RALGPS1: variants seen among roughly 807,000 people sequenced by gnomAD.
RALGPS1 encodes Ral GEF with PH domain and SH3 binding motif 1.
In RALGPS1, 19 loss-of-function variants were observed where a neutral mutation model predicts 78.8. The ratio of observed to expected loss-of-function variants is 0.24; its 90% CI spans 0.17 to 0.35. RALGPS1 has a LOEUF of 0.35. Ranked by LOEUF, RALGPS1 falls within the 10% of genes least tolerant of loss-of-function variation. RALGPS1 has a pLI of 1.00. For missense variants in RALGPS1, 454 were observed against 688.3 expected (o/e 0.66, Z 3.81); for synonymous variants, 228 against 256.3 (o/e 0.89, Z 1.06).
chr9:126,952,648 A>AGTGTGTGTGTGTGTGTGT (rs1370007469), intron 1 of RALGPS1, among the ~76,000 whole-genome samples: 3 of 75,524 alleles, frequency 4.0e-5, no homozygotes, highest in East Asian at 1.0e-3. Context: ...AGAGAGAGAG[A>AGTGTGTGTGTGTGTGTGT]GAGAGAGAGT....
chr9:127,012,882 C>G (rs1039637052), intron 4 of RALGPS1, among the ~76,000 whole-genome samples: 1 of 152,128 alleles, frequency 6.6e-6, no homozygotes, highest in South Asian at 2.1e-4. Flanking sequence ...TGTAAGACCC[C>G]CTGCCTGGTA....
intron 4 of RALGPS1, among the ~76,000 whole-genome samples, chr9:126,997,615 A>G (rs1252481761): frequency 3.9e-5 from 6 of 152,240 alleles, no homozygotes; most frequent in Admixed American, 6.5e-5. Flanking sequence ...TATAGATTCA[A>G]TGCCATCCCC....
chr9:126,979,968 T>C (rs1208404042), intron 4 of RALGPS1, among the ~76,000 whole-genome samples: 2 of 152,168 alleles, frequency 1.3e-5, no homozygotes, highest in African/African-American at 4.8e-5. Context: ...TTGTAAAAGT[T>C]TCCCAGGTAA....
In RALGPS1 at chr9:127,183,539, G is replaced by A. The variant is rs1057291939; in HGVS notation, c.910+8757G>A. On this transcript the variant is annotated intron_variant, in intron 11 of 18. Transcript: ENST00000259351. This position sits in a 1 kb window ranked among gnomAD's most constrained non-coding sequence, Gnocchi z 4.0. Reference sequence around the variant, plus strand: ...CACAACAGACCTGCCTGTGGCCACCGCTGTCTTCTGGCACAGCCGTTTGGC... The same window carrying A: ...CACAACAGACCTGCCTGTGGCCACCACTGTCTTCTGGCACAGCCGTTTGGC... 1.3e-5 allele frequency among the ~76,000 whole-genome samples: 2 copies of A among 152,120 alleles called. No homozygotes were observed. The highest frequency in any genetic ancestry group is 2.9e-5 in the Non-Finnish European group (2 of 68,026).
chr9:127,107,961 A>C (rs780531484), intron 8 of RALGPS1: 2 of 1,560,098 alleles, frequency 1.3e-6, no homozygotes, highest in Non-Finnish European at 1.7e-6. Context: ...GAGTGGGCAT[A>C]GTGGGCAGAG....
At chr9:127,082,969 TGTTA>T (rs1359153189) in intron 8 of RALGPS1, among the ~76,000 whole-genome samples, 5 of 152,056 alleles carry the variant, frequency 3.3e-5, no homozygotes, top group African/African-American at 7.2e-5. Context: ...CCAGGTGTCA[TGTTA>T]GTTAGCCACC....
At chr9:127,139,150 C>T (rs1392591614) in intron 8 of RALGPS1, among the ~76,000 whole-genome samples, 1 of 152,174 alleles carries the variant, frequency 6.6e-6, no homozygotes, top group Admixed American at 6.5e-5. Context: ...CGCCCTGCCT[C>T]AGAGGAAGGT....
chr9:127,023,302 G>T (rs901789652), intron 4 of RALGPS1, among the ~76,000 whole-genome samples: 1 of 152,194 alleles, frequency 6.6e-6, no homozygotes, highest in Non-Finnish European at 1.5e-5. Context: ...GTCTGTCCCT[G>T]CTTTGAGCAG....
chr9:127,205,595 A>G lies in RALGPS1; in HGVS notation c.1247+6529A>G, dbSNP rs548868724. Among the ~76,000 whole-genome samples the G allele has an allele frequency of 1.3e-4, 20 of 152,224 alleles. No homozygotes were observed. Among genetic ancestry groups the G allele is most frequent in the African/African-American group, 4.6e-4 (19 of 41,530 alleles). On this transcript the variant is annotated intron_variant, in intron 14 of 18. Coordinates refer to ENST00000259351, the MANE Select transcript of RALGPS1 (RefSeq NM_014636.3). This position sits in a 1 kb window ranked among gnomAD's most constrained non-coding sequence, Gnocchi z 4.0. ...ACAGCTTCTCTGTCCAATATCTACA[A>G]TTCCTCCAGAGTCAGCACCTAGAAA...
At chr9:127,002,039 A>G (rs2043357577) in intron 4 of RALGPS1, among the ~76,000 whole-genome samples, 1 of 152,210 alleles carries the variant, frequency 6.6e-6, no homozygotes, top group Admixed American at 6.5e-5. Context: ...AACTCAATGC[A>G]TTTTTACAAA....
At chr9:127,086,331 A>G (rs762803623) in intron 8 of RALGPS1, among the ~76,000 whole-genome samples, 2 of 152,188 alleles carry the variant, frequency 1.3e-5, no homozygotes, top group African/African-American at 2.4e-5. Context: ...TATGGAGTCA[A>G]TTTATATGTC....
At chr9:127,040,762 A>G (rs1177946849) in intron 5 of RALGPS1, among the ~76,000 whole-genome samples, 3 of 152,164 alleles carry the variant, frequency 2.0e-5, no homozygotes, top group South Asian at 2.1e-4. Context: ...GAAGATAGCA[A>G]TCCAGATCCT....
intron 8 of RALGPS1, among the ~76,000 whole-genome samples, chr9:127,130,053 G>A (rs1197625141): frequency 1.3e-5 from 2 of 152,220 alleles, no homozygotes; most frequent in African/African-American, 4.8e-5. Context: ...GATAGGAAGC[G>A]AGTGAGGACA....
intron 8 of RALGPS1, among the ~76,000 whole-genome samples, chr9:127,119,678 C>T (rs1299798017): frequency 6.6e-6 from 1 of 152,170 alleles, no homozygotes; most frequent in Admixed American, 6.5e-5. Flanking sequence ...GATGGAGGGC[C>T]AGATGGAGGA....
At position 126,962,281 on chromosome 9, in the gene RALGPS1, C is replaced by T; in HGVS notation, c.-9C>T. The T allele has an allele frequency of 6.2e-7, 1 of 1,614,122 alleles. No individual in the cohort carries two copies. Among genetic ancestry groups the T allele is most frequent in the South Asian group, 1.1e-5 (1 of 91,076 alleles). On this transcript the variant is annotated 5_prime_UTR_variant, in exon 2 of 19. Coordinates refer to ENST00000259351, the MANE Select transcript of RALGPS1 (RefSeq NM_014636.3). ...AGGCTGCCCTGAAGCTCCCTGTGGC[C>T]TGGAGACTATGTACAAGAGGAATGG... is the stretch of plus-strand genomic sequence containing the variant.
At chr9:127,125,911 G>C (rs559853759) in intron 8 of RALGPS1, among the ~76,000 whole-genome samples, 1 of 152,120 alleles carries the variant, frequency 6.6e-6, no homozygotes, top group African/African-American at 2.4e-5. Flanking sequence ...GAATGATTTC[G>C]TGTCTTACCA....
intron 8 of RALGPS1, among the ~76,000 whole-genome samples, chr9:127,137,443 C>G (rs1476561679): frequency 6.6e-6 from 1 of 152,228 alleles, no homozygotes; most frequent in Non-Finnish European, 1.5e-5. Context: ...GGGGGGAAGT[C>G]ACTCCCTGAG....
intron 7 of RALGPS1, among the ~76,000 whole-genome samples, chr9:127,062,651 C>T (rs1005356578): frequency 7.2e-5 from 11 of 152,086 alleles, no homozygotes; most frequent in Admixed American, 2.6e-4. Context: ...TTTGCCTTTC[C>T]GTAGACAGGA....
At chr9:127,093,738 AC>A in intron 8 of RALGPS1, 4 of 1,613,848 alleles carry the variant, frequency 2.5e-6, no homozygotes, top group Non-Finnish European at 3.4e-6. Context: ...CTCACCTTGT[AC>A]GTCTCCCAGT....
Sources: gnomAD v4.1 joint callset for allele counts (sites outside exome capture counted in the v4.1 genomes callset) on GRCh38, gnomAD v4.1.1 for gene constraint, Gnocchi (gnomAD v3.1) non-coding constraint, MANE v1.5 for transcripts, NCBI Gene and HGNC (gene_info 2026-07-23, HGNC 2026-07-21) for gene names.